Variants in TMEM108 observed in about 807,000 individuals in gnomAD.
The protein encoded by TMEM108 is transmembrane protein 108, also known as cancer/testis antigen 124.
In TMEM108, 12 loss-of-function variants were observed where a neutral mutation model predicts 35.1. The observed-to-expected ratio is 0.34, with a 90% CI of 0.22 to 0.55. The LOEUF (loss-of-function observed/expected upper bound fraction) is 0.55. TMEM108 is among the 20% of genes least tolerant of loss of function. TMEM108 has a pLI of 0.89. For synonymous variants in TMEM108, 287 were observed against 308.6 expected (o/e 0.93, Z 0.73); for missense variants, 680 against 753.3 (o/e 0.90, Z 1.14).
chr3:133,366,580 G>T (rs1299610442), intron 3 of TMEM108, among the ~76,000 whole-genome samples: 2 of 152,144 alleles, frequency 1.3e-5, no homozygotes, highest in South Asian at 2.1e-4. Flanking sequence ...CTTGTTCTTT[G>T]TATGTTGAGC....
chr3:133,286,710 CTACATAG>C (rs2107692105), intron 3 of TMEM108, among the ~76,000 whole-genome samples: 1 of 152,302 alleles, frequency 6.6e-6, no homozygotes, highest in South Asian at 2.1e-4. Context: ...GAACCTTGGG[CTACATAG>C]TATAATAGCA....
chr3:133,134,530 G>C (rs191685313), intron 2 of TMEM108, among the ~76,000 whole-genome samples: 2 of 151,938 alleles, frequency 1.3e-5, no homozygotes, highest in East Asian at 3.9e-4. Context: ...AATTTCCTGA[G>C]TAATAGGGGT....
Position 133,346,178 on chromosome 3 carries a change from A to G in TMEM108, c.41-33574A>G, listed in dbSNP as rs186160768. Among the ~76,000 whole-genome samples the G allele has an allele frequency of 6.6e-6, 1 of 152,100 alleles. No individual in the cohort carries two copies. The highest frequency in any genetic ancestry group is 2.4e-5 in the African/African-American group (1 of 41,552). ...TAGGAGCACAATTACTAGATCATAC[A>G]GTAAGACTATGATTAACTTTGTAAG... On this transcript the variant is annotated intron_variant, in intron 3 of 5. Coordinates refer to ENST00000321871, the MANE Select transcript of TMEM108 (RefSeq NM_023943.4). The surrounding 1 kb of genome is among the most constrained non-coding windows in gnomAD (Gnocchi z 4.0).
At chr3:133,386,923 A>G in intron 4 of TMEM108, 1 of 792,518 alleles carries the variant, frequency 1.3e-6, no homozygotes, top group Non-Finnish European at 1.5e-6. Context: ...GGGAAGAGCA[A>G]TAGTGCCTTC....
intron 2 of TMEM108, among the ~76,000 whole-genome samples, chr3:133,195,477 G>A (rs748997406): frequency 3.9e-5 from 6 of 152,014 alleles, no homozygotes; most frequent in Non-Finnish European, 7.3e-5. Context: ...TAGTCATCCC[G>A]TCTGGAGGAA....
chr3:133,218,978 T>C (rs1945949173), intron 2 of TMEM108, among the ~76,000 whole-genome samples: 2 of 152,106 alleles, frequency 1.3e-5, no homozygotes, highest in South Asian at 2.1e-4. Context: ...TCTTTAAATG[T>C]TTGGTAGAGT....
intron 3 of TMEM108, among the ~76,000 whole-genome samples, chr3:133,353,012 C>T (rs980055834): frequency 6.6e-6 from 1 of 152,160 alleles, no homozygotes. Context: ...CAGCCACCAT[C>T]ATCTCATTAG....
At chr3:133,302,103 A>G (rs1190628058) in intron 3 of TMEM108, among the ~76,000 whole-genome samples, 2 of 152,190 alleles carry the variant, frequency 1.3e-5, no homozygotes, top group African/African-American at 4.8e-5. Context: ...TGATCTTGCC[A>G]CTATCATTGT....
chr3:133,071,293 T>G (rs1467732979), intron 2 of TMEM108, among the ~76,000 whole-genome samples: 1 of 152,140 alleles, frequency 6.6e-6, no homozygotes, highest in Non-Finnish European at 1.5e-5. Context: ...GTTGGTTTCT[T>G]CTGAGCCCTC....
chr3:133,395,838 T>A, intron 5 of TMEM108, 26 bp from the exon 6 acceptor site: 1 of 1,534,404 alleles, frequency 6.5e-7, no homozygotes, highest in Non-Finnish European at 8.8e-7. Context: ...TCCAGCTCAC[T>A]CCATCTCCTC....
At chr3:133,130,666 G>C (rs1203274415) in intron 2 of TMEM108, among the ~76,000 whole-genome samples, 1 of 152,186 alleles carries the variant, frequency 6.6e-6, no homozygotes, top group Middle Eastern at 3.2e-3. Flanking sequence ...TAGGTTCCAT[G>C]GGAGTAGAAA....
rs752112851 is a variant in TMEM108, at chr3:133,380,782, G to A, written c.1071G>A (p.Thr357=). The A allele has an allele frequency of 2.7e-5, 43 of 1,613,936 alleles. No homozygotes were observed. Among genetic ancestry groups the A allele is most frequent in the Middle Eastern group, 3.3e-4 (2 of 6,082 alleles). ...GCTCTGGGGTCTTCACGGCTGCCAC[G>A]GGGCCCACCCCAGCTGCCTTCGATA... ...STSSGVFTAA[T]GPTPAAFDTS... is the part of the protein sequence containing the mutation. The change falls in exon 4 of 6, where the codon ACG becomes ACA. Residue 357 remains threonine (T), a synonymous_variant. Transcript: ENST00000321871. The surrounding 1 kb of genome is among the most constrained non-coding windows in gnomAD (Gnocchi z 5.3).
intron 3 of TMEM108, among the ~76,000 whole-genome samples, chr3:133,321,610 A>G (rs2071268648): frequency 1.3e-5 from 2 of 152,212 alleles, no homozygotes; most frequent in Non-Finnish European, 2.9e-5. Flanking sequence ...TGACAGCACC[A>G]GACAGGTTAT....
intron 2 of TMEM108, among the ~76,000 whole-genome samples, chr3:133,205,165 C>G (rs1202108701): frequency 6.7e-6 from 1 of 148,398 alleles, no homozygotes; most frequent in African/African-American, 2.5e-5. Context: ...CTTGGTAAAT[C>G]TTCCTCCATC....
intron 3 of TMEM108, among the ~76,000 whole-genome samples, chr3:133,266,637 A>G (rs899384106): frequency 1.3e-5 from 2 of 152,176 alleles, no homozygotes; most frequent in Non-Finnish European, 2.9e-5. Flanking sequence ...TAATTCTGAT[A>G]TGTTCTCCTG....
intron 2 of TMEM108, among the ~76,000 whole-genome samples, chr3:133,217,329 C>T (rs1945923773): frequency 6.6e-6 from 1 of 151,958 alleles, no homozygotes; most frequent in Non-Finnish European, 1.5e-5. Context: ...TATATTAATC[C>T]TTTATCATAT....
intron 3 of TMEM108, among the ~76,000 whole-genome samples, chr3:133,370,455 G>A (rs911311063): frequency 1.3e-5 from 2 of 152,162 alleles, no homozygotes; most frequent in Admixed American, 1.3e-4. Context: ...CATTATCACT[G>A]TGGATGCTGG....
intron 3 of TMEM108, among the ~76,000 whole-genome samples, chr3:133,321,130 A>G (rs187426030): frequency 5.7e-4 from 87 of 152,336 alleles, no homozygotes; most frequent in African/African-American, 2.1e-3. Flanking sequence ...GCATTCAGAC[A>G]ACAACTAGTA....
At chr3:133,126,702 C>G (rs575287827) in intron 2 of TMEM108, among the ~76,000 whole-genome samples, 1 of 151,870 alleles carries the variant, frequency 6.6e-6, no homozygotes, top group South Asian at 2.1e-4. Flanking sequence ...TACAGTTGTC[C>G]CTTGGTATCC....
Sources: gnomAD v4.1 joint callset for allele counts (sites outside exome capture counted in the v4.1 genomes callset) on GRCh38, gnomAD v4.1.1 for gene constraint, Gnocchi (gnomAD v3.1) non-coding constraint, MANE v1.5 for transcripts, NCBI Gene and HGNC (gene_info 2026-07-23, HGNC 2026-07-21) for gene names.